Variants in SLIT2 observed in about 807,000 individuals in gnomAD.
The protein encoded by SLIT2 is slit homolog 2 protein.
In SLIT2, 41 loss-of-function variants were observed where a neutral mutation model predicts 185.7. The ratio of observed to expected loss-of-function variants is 0.22; its 90% confidence interval spans 0.17 to 0.29. SLIT2 has a LOEUF of 0.29. Ranked by LOEUF, SLIT2 falls within the 10% of genes least tolerant of loss-of-function variation. The probability of loss-of-function intolerance (pLI) is 1.00; values close to 1 mark genes in which losing one functional copy is unlikely to be tolerated. For missense variants in SLIT2, 1,571 were observed against 1,909.0 expected (o/e 0.82, Z 3.30); for synonymous variants, 693 against 680.2 (o/e 1.02, Z -0.29).
intron 4 of SLIT2, among the ~76,000 whole-genome samples, chr4:20,317,921 A>G (rs1718738246): frequency 6.6e-6 from 1 of 152,062 alleles, no homozygotes; most frequent in Non-Finnish European, 1.5e-5. Flanking sequence ...TAAATAAAGG[A>G]TTTCTGTTGG....
At chr4:20,539,677 T>C in intron 19 of SLIT2, 93 bp downstream of exon 19, 1 of 852,796 alleles carries the variant, frequency 1.2e-6, no homozygotes. Flanking sequence ...CATTAAAATG[T>C]GATCAAGGGT....
At chr4:20,301,083 C>A (rs543574300) in intron 4 of SLIT2, among the ~76,000 whole-genome samples, 1 of 152,094 alleles carries the variant, frequency 6.6e-6, no homozygotes, top group African/African-American at 2.4e-5. Context: ...CTCTCTTGAA[C>A]AGTGTATCTA....
intron 4 of SLIT2, among the ~76,000 whole-genome samples, chr4:20,288,477 C>T (rs774523806): frequency 6.6e-6 from 1 of 152,188 alleles, no homozygotes; most frequent in Non-Finnish European, 1.5e-5. Flanking sequence ...GGAAATTTCC[C>T]TTTAATTCCT....
At chr4:20,285,130 T>C (rs1353550833) in intron 4 of SLIT2, among the ~76,000 whole-genome samples, 1 of 152,254 alleles carries the variant, frequency 6.6e-6, no homozygotes, top group Non-Finnish European at 1.5e-5. Context: ...GCCATTATCT[T>C]ATCTTAGCAA....
At chr4:20,516,123 C>T (rs1466035174) in intron 11 of SLIT2, among the ~76,000 whole-genome samples, 3 of 152,138 alleles carry the variant, frequency 2.0e-5, no homozygotes, top group Non-Finnish European at 4.4e-5. Flanking sequence ...CCTCTGCCAA[C>T]TTTCAATAAG....
chr4:20,357,373 A>G (rs1722408976), intron 4 of SLIT2, among the ~76,000 whole-genome samples: 1 of 152,186 alleles, frequency 6.6e-6, no homozygotes, highest in Non-Finnish European at 1.5e-5. Flanking sequence ...GTTTGATAGT[A>G]TCAATACAGT....
chr4:20,359,096 G>A (rs551457868), intron 4 of SLIT2, among the ~76,000 whole-genome samples: 9 of 152,230 alleles, frequency 5.9e-5, no homozygotes, highest in African/African-American at 1.7e-4. Context: ...CTGCCACCAT[G>A]AAACTGGTAC....
chr4:20,278,554 T>C (rs1411418694), intron 4 of SLIT2, among the ~76,000 whole-genome samples: 1 of 151,980 alleles, frequency 6.6e-6, no homozygotes, highest in Non-Finnish European at 1.5e-5. Context: ...AACCCAGAAA[T>C]AGGAATATCG....
intron 4 of SLIT2, among the ~76,000 whole-genome samples, chr4:20,309,191 AT>A (rs1234352407): frequency 6.6e-6 from 1 of 152,166 alleles, no homozygotes; most frequent in African/African-American, 2.4e-5. Flanking sequence ...ATATTCTTAA[AT>A]TAAAAGAGTA....
chr4:20,422,862 A>AG (rs1349146015), intron 4 of SLIT2, among the ~76,000 whole-genome samples: 2 of 151,688 alleles, frequency 1.3e-5, no homozygotes, highest in East Asian at 3.9e-4. Context: ...GATGTGCAGA[A>AG]TACTCAATAT....
rs374048133 is a variant in SLIT2, at chr4:20,440,306, T to G, written c.396-27446T>G. On this transcript the variant is annotated intron_variant, in intron 4 of 36. Coordinates refer to ENST00000504154, the MANE Select transcript of SLIT2 (RefSeq NM_004787.4). ...ATCATTACGTTGCATTTCCCTGGAG[T>G]TGAAACTACATCTGGGCTTGGCAGG... 3.3e-5 allele frequency among the ~76,000 whole-genome samples: 5 copies of G among 152,122 alleles called. No individual in the cohort carries two copies. The East Asian group carries it at 9.6e-4, about 29-fold the overall frequency.
intron 18 of SLIT2, among the ~76,000 whole-genome samples, chr4:20,535,857 C>G (rs1229288993): frequency 1.5e-5 from 2 of 131,316 alleles, no homozygotes; most frequent in African/African-American, 5.4e-5. Context: ...TCCCTCTTTC[C>G]AAATATACGT....
intron 4 of SLIT2, among the ~76,000 whole-genome samples, chr4:20,317,217 G>T (rs141049579): frequency 6.6e-6 from 1 of 151,452 alleles, no homozygotes; most frequent in African/African-American, 2.4e-5. Flanking sequence ...TGTTTGTTAC[G>T]CAGTATTAAT....
At position 20,321,738 on chromosome 4, in the gene SLIT2, C is replaced by T. The variant is rs187026339; in HGVS notation, c.395+52857C>T. Among the ~76,000 whole-genome samples, 3 of 152,262 alleles carry T rather than the reference C, an allele frequency of 2.0e-5. No individual in the cohort carries two copies. The East Asian group carries it at 5.8e-4, about 29-fold the overall frequency. ...TACGTTAGACCTTACCGCCTCATGC[C>T]CAGATTTTTTCTATTAGTCACTTTC... On this transcript the variant is annotated intron_variant, in intron 4 of 36. Coordinates refer to ENST00000504154, the MANE Select transcript of SLIT2 (RefSeq NM_004787.4).
chr4:20,299,730 G>T (rs1716866030), intron 4 of SLIT2, among the ~76,000 whole-genome samples: 1 of 151,728 alleles, frequency 6.6e-6, no homozygotes, highest in African/African-American at 2.4e-5. Context: ...CCGACAGGGG[G>T]AGCCAATTCC....
chr4:20,340,368 T>C (rs1720862288), intron 4 of SLIT2, among the ~76,000 whole-genome samples: 1 of 152,146 alleles, frequency 6.6e-6, no homozygotes, highest in African/African-American at 2.4e-5. Context: ...CCTGGACATA[T>C]TAATTTATGT....
intron 36 of SLIT2, 88 bp from the exon 37 acceptor site, chr4:20,618,680 C>A: frequency 7.4e-7 from 1 of 1,356,336 alleles, no homozygotes; most frequent in Non-Finnish European, 1.0e-6. Flanking sequence ...GAAGCAAAGG[C>A]TTCTGAATTA....
chr4:20,617,418 C>CTG (rs1729750308), intron 35 of SLIT2, 21 bp from the exon 36 acceptor site: 3 of 1,605,090 alleles, frequency 1.9e-6, no homozygotes, highest in Non-Finnish European at 2.6e-6. Flanking sequence ...ATTCCCACTC[C>CTG]TGTGTTCCTC....
chr4:20,271,099 A>T (rs1432604011), intron 4 of SLIT2, among the ~76,000 whole-genome samples: 4 of 152,012 alleles, frequency 2.6e-5, no homozygotes, highest in African/African-American at 9.7e-5. Context: ...ATTTTCTCAC[A>T]TGATACAGAT....
Sources: gnomAD v4.1 joint callset for allele counts (sites outside exome capture counted in the v4.1 genomes callset) on GRCh38, gnomAD v4.1.1 for gene constraint, MANE v1.5 for transcripts, NCBI Gene and HGNC (gene_info 2026-07-23, HGNC 2026-07-21) for gene names.